KCNMA1: variants seen among roughly 807,000 people sequenced by gnomAD.
KCNMA1 encodes potassium calcium-activated channel subfamily M alpha 1, also known as Calcium-activated potassium channel subunit alpha-1.
Under a neutral mutation model 140.0 loss-of-function variants are expected in KCNMA1, and 29 were observed. The ratio of observed to expected loss-of-function variants is 0.21; its 90% confidence interval spans 0.15 to 0.28. The LOEUF (loss-of-function observed/expected upper bound fraction) is 0.28. KCNMA1 is among the 10% of genes least tolerant of loss of function. The pLI is 1.00. For missense variants in KCNMA1, 880 were observed against 1,602.2 expected (o/e 0.55, Z 7.70); for synonymous variants, 612 against 611.9 (o/e 1.00, Z 0.00).
chr10:77,503,745 A>G (rs965732593), intron 1 of KCNMA1, among the ~76,000 whole-genome samples: 2 of 152,144 alleles, frequency 1.3e-5, no homozygotes, highest in African/African-American at 4.8e-5. Flanking sequence ...GCACTCCTTA[A>G]ACAATTTCTG....
At chr10:77,637,128 G>A (rs1483829484) in intron 1 of KCNMA1, 137 bp downstream of exon 1, 2 of 1,264,348 alleles carry the variant, frequency 1.6e-6, no homozygotes, top group Non-Finnish European at 2.1e-6. Flanking sequence ...AGAGCCGAGG[G>A]AAGGGAAGGC....
rs1201310855 is a variant in KCNMA1 at position 77,439,128 on chromosome 10, AAGAGAAGAGAAGAGAAG to A, written c.379-35122_379-35106del. Among the ~76,000 whole-genome samples the A allele has an allele frequency of 5.3e-4, 78 of 145,974 alleles. 1 individual carries two copies. The highest frequency in any genetic ancestry group is 3.6e-3 in the Middle Eastern group (1 of 280). ...AAGAGAAGAGAAGAGAAGAGAAGAGAAGAGAAGAGAAGAGAAGAGAAAAGAGAAGAGAAGAAAAGAAA... is the reference window on the plus strand; with the variant it reads ...AAGAGAAGAGAAGAGAAGAGAAGAGAAGAAAAGAGAAGAGAAGAAAAGAAA... On this transcript the variant is annotated intron_variant, in intron 1 of 27. Transcript: ENST00000286628.
chr10:76,914,869 T>C, intron 24 of KCNMA1, 67 bp downstream of exon 24: 1 of 1,168,420 alleles, frequency 8.6e-7, no homozygotes, highest in Non-Finnish European at 1.3e-6. Context: ...TAAACCAACC[T>C]CCTCATATCC....
chr10:76,930,187 C>T (rs1034122245), intron 23 of KCNMA1: 2 of 152,106 alleles, frequency 1.3e-5, no homozygotes, highest in Non-Finnish European at 1.5e-5. Flanking sequence ...AAGTGAGAAG[C>T]CAATCTACTG....
intron 2 of KCNMA1, among the ~76,000 whole-genome samples, chr10:77,325,343 T>C (rs1435383140): frequency 2.0e-5 from 3 of 152,244 alleles, no homozygotes; most frequent in Non-Finnish European, 2.9e-5. Context: ...AGAGCAGGTG[T>C]GGCTGGCACA....
intron 3 of KCNMA1, among the ~76,000 whole-genome samples, chr10:77,223,154 G>A (rs958863219): frequency 5.9e-5 from 9 of 151,992 alleles, no homozygotes; most frequent in Admixed American, 2.6e-4. Context: ...GCTTGAACCC[G>A]GGAGGCAGGG....
At chr10:76,870,505 C>T (rs2031072833) in exon 28 of KCNMA1, 1 of 152,238 alleles carries the variant, frequency 6.6e-6, no homozygotes, top group Non-Finnish European at 1.5e-5. Context: ...AAAATAAAGT[C>T]CACTTTCACC....
At chr10:77,034,929 A>G (rs1163804694) in intron 15 of KCNMA1, among the ~76,000 whole-genome samples, 2 of 152,214 alleles carry the variant, frequency 1.3e-5, no homozygotes, top group Non-Finnish European at 2.9e-5. Flanking sequence ...AGAACCTAGA[A>G]CACAGTGTTC....
rs116465677 is a variant in KCNMA1, at chr10:76,951,677, C to T, written c.2484+2124G>A. 5.8e-3 allele frequency among the ~76,000 whole-genome samples: 876 copies of T among 152,294 alleles called. 11 individuals carry two copies. The highest frequency in any genetic ancestry group is 0.02 in the African/African-American group (830 of 41,552). On this transcript the variant is annotated intron_variant, in intron 21 of 27. Transcript: ENST00000286628. ...CCTACCTGTCATTCTTATCTCTAGCCGTGTTACTTTAGAGAGGGCTTCTTG... is the reference window on the plus strand; with the variant it reads ...CCTACCTGTCATTCTTATCTCTAGCTGTGTTACTTTAGAGAGGGCTTCTTG...
At chr10:77,588,432 G>A (rs983681112) in intron 1 of KCNMA1, among the ~76,000 whole-genome samples, 5 of 152,228 alleles carry the variant, frequency 3.3e-5, no homozygotes, top group South Asian at 2.1e-4. Flanking sequence ...GTCCAGGGCC[G>A]TGGGACTGCA....
chr10:77,568,855 T>G (rs2069563039), intron 1 of KCNMA1, among the ~76,000 whole-genome samples: 1 of 151,268 alleles, frequency 6.6e-6, no homozygotes, highest in African/African-American at 2.4e-5. Context: ...CAGCCCAAAA[T>G]CTCCTTAAGC....
intron 2 of KCNMA1, among the ~76,000 whole-genome samples, chr10:77,269,035 C>G (rs2064236647): frequency 6.6e-6 from 1 of 152,164 alleles, no homozygotes; most frequent in South Asian, 2.1e-4. Context: ...TCCCACTGCA[C>G]AAGGGCAGAG....
intron 2 of KCNMA1, among the ~76,000 whole-genome samples, chr10:77,327,024 T>A (rs1429075549): frequency 1.3e-5 from 2 of 152,108 alleles, no homozygotes; most frequent in East Asian, 1.9e-4. Context: ...ACTTATGTCA[T>A]CCAACCAACA....
intron 1 of KCNMA1, among the ~76,000 whole-genome samples, chr10:77,606,537 G>T (rs2084591257): frequency 6.6e-6 from 1 of 152,142 alleles, no homozygotes; most frequent in South Asian, 2.1e-4. Flanking sequence ...TTGAGCTCAG[G>T]AGTTCAAGGC....
chr10:77,173,321 A>G (rs2098724565), intron 5 of KCNMA1, among the ~76,000 whole-genome samples: 1 of 152,144 alleles, frequency 6.6e-6, no homozygotes. Context: ...CTTTGGAGGT[A>G]GATTGCCTGA....
At chr10:77,510,382 T>C (rs2047928098) in intron 1 of KCNMA1, among the ~76,000 whole-genome samples, 1 of 152,098 alleles carries the variant, frequency 6.6e-6, no homozygotes, top group Non-Finnish European at 1.5e-5. Context: ...AATTGACTGA[T>C]TGAAAGAAAC....
chr10:77,104,893 G>C lies in KCNMA1; in HGVS notation c.1223+3588C>G, dbSNP rs1744894197. On this transcript the variant is annotated intron_variant, in intron 9 of 27. Coordinates refer to ENST00000286628, the MANE Select transcript of KCNMA1 (RefSeq NM_001161352.2). The stretch of plus-strand genomic sequence containing the variant: ...CGTCACCAGCCCTCAGGCCTTCCCT[G>C]TCTCTAAGCAGCTTTGACCTTACAC... Among the ~76,000 whole-genome samples the C allele has an allele frequency of 3.3e-5, 5 of 152,202 alleles. 1 individual carries two copies. In the South Asian group the frequency reaches 1.0e-3, roughly 32 times the overall value.
At chr10:77,021,302 A>G (rs1009888796) in intron 16 of KCNMA1, among the ~76,000 whole-genome samples, 3 of 152,262 alleles carry the variant, frequency 2.0e-5, no homozygotes, top group African/African-American at 7.2e-5. Context: ...TCATCTGTAA[A>G]ATGGGTGAAT....
chr10:77,364,843 G>T (rs535625622), intron 2 of KCNMA1, among the ~76,000 whole-genome samples: 1 of 152,172 alleles, frequency 6.6e-6, no homozygotes, highest in Admixed American at 6.5e-5. Flanking sequence ...AAATTGGCAC[G>T]TTTACCTGCC....
Sources: allele counts gnomAD v4.1 joint callset (sites outside exome capture counted in the v4.1 genomes callset), GRCh38; gene constraint gnomAD v4.1.1; transcripts MANE v1.5; gene names NCBI Gene and HGNC (gene_info 2026-07-23, HGNC 2026-07-21).